The following GSTT4 variants were observed in gnomAD, a reference collection of about 807,000 sequenced individuals.
GSTT4 encodes glutathione S-transferase theta-4.
At chr22:23,996,092 C>T (rs1218380896), downstream of GSTT4, among the ~76,000 whole-genome samples, 1 of 151,990 alleles carries the variant, frequency 6.6e-6, no homozygotes, top group Non-Finnish European at 1.5e-5. Flanking sequence ...TACAGGCATG[C>T]GCCACCACGC....
chr22:23,993,889 C>G (rs1230133788), downstream of GSTT4, among the ~76,000 whole-genome samples: 1 of 150,096 alleles, frequency 6.7e-6, no homozygotes, highest in African/African-American at 2.5e-5. Flanking sequence ...CGTCTCTCCT[C>G]AGGCCCCCAG....
At chr22:23,989,462 A>C in the GSTT4 span, among the ~76,000 whole-genome samples, 1 of 138,276 alleles carries the variant, frequency 7.2e-6, no homozygotes, top group Non-Finnish European at 1.6e-5. Flanking sequence ...TTCACACCCC[A>C]CCCCCAGCCA....
the GSTT4 span, among the ~76,000 whole-genome samples, chr22:23,992,475 C>T: frequency 6.6e-6 from 1 of 150,404 alleles, no homozygotes; most frequent in South Asian, 2.1e-4. Flanking sequence ...GCACAGGCCC[C>T]AGCCACACTC....
the GSTT4 span, among the ~76,000 whole-genome samples, chr22:23,992,384 G>A: frequency 2.0e-5 from 3 of 147,868 alleles, no homozygotes; most frequent in African/African-American, 7.5e-5. Context: ...AGGGCACCAA[G>A]CAAGGATGTG....
At chr22:23,991,702 T>C in the GSTT4 span, among the ~76,000 whole-genome samples, 1 of 142,062 alleles carries the variant, frequency 7.0e-6, no homozygotes, top group Non-Finnish European at 1.6e-5. Context: ...CAGTGGCGTG[T>C]CTGCTCTCTC....
intron 3 of GSTT4, among the ~76,000 whole-genome samples, chr22:24,000,702 G>T (rs1303099670): frequency 2.1e-5 from 3 of 143,400 alleles, no homozygotes; most frequent in African/African-American, 8.6e-5. Context: ...GGGATTACAG[G>T]TGCCCATCAC....
At chr22:23,993,135 T>C in the GSTT4 span, among the ~76,000 whole-genome samples, 4 of 152,152 alleles carry the variant, frequency 2.6e-5, no homozygotes, top group Admixed American at 2.6e-4. Flanking sequence ...ACACTCCAAT[T>C]TACTCAAGAA....
chr22:24,002,329 A>G (rs2034249304), intron 2 of GSTT4, among the ~76,000 whole-genome samples: 1 of 152,258 alleles, frequency 6.6e-6, no homozygotes, highest in South Asian at 2.1e-4. Flanking sequence ...GTTGGAGGCC[A>G]TGGGGACAGA....
chr22:24,001,133 C>T lies in GSTT4; in HGVS notation c.351+42G>A, dbSNP rs1444047004. On this transcript the variant is annotated intron_variant, in intron 3 of 4. Coordinates refer to ENST00000621179, the MANE Select transcript of GSTT4 (RefSeq NM_001358664.2). Reference sequence around the variant, plus strand: ...ACTGGCCTCCAGCCTTCCTGACTTCCCTGTGCCCGTGTCCCCAAGCCCCAG... The same window carrying T: ...ACTGGCCTCCAGCCTTCCTGACTTCTCTGTGCCCGTGTCCCCAAGCCCCAG... 2.8e-5 allele frequency: 4 copies of T among 141,110 alleles called. No individual in the cohort carries two copies. In the East Asian group the frequency reaches 6.2e-4, roughly 22 times the overall value. The allele number at this position is 141,110 out of a possible 1,614,324, so 8.7% of individuals were successfully genotyped here. A position where few individuals can be genotyped will look rare whatever the true frequency, so the allele number is the denominator to read the frequency against.
At chr22:23,993,656 C>T (rs1168182029), downstream of GSTT4, among the ~76,000 whole-genome samples, 1 of 152,136 alleles carries the variant, frequency 6.6e-6, no homozygotes. Context: ...CCCTGAGGAC[C>T]CTGTGACATC....
the GSTT4 span, among the ~76,000 whole-genome samples, chr22:23,989,791 G>A: frequency 6.7e-6 from 1 of 149,204 alleles, no homozygotes; most frequent in African/African-American, 2.4e-5. Flanking sequence ...CAGTGCTAGA[G>A]GCCGCATTAG....
Position 23,998,947 on chromosome 22 carries a change from T to C in GSTT4, c.529-208A>G, listed in dbSNP as rs556041006. Among the ~76,000 whole-genome samples, 25 of 152,328 alleles carry C rather than the reference T, an allele frequency of 1.6e-4. No homozygotes were observed. In the South Asian group the frequency reaches 3.7e-3, roughly 23 times the overall value. On this transcript the variant is annotated intron_variant, in intron 4 of 4. Coordinates refer to ENST00000621179, the MANE Select transcript of GSTT4 (RefSeq NM_001358664.2). Reference sequence around the variant, plus strand: ...AGAATCCCTCAGAGTCCTCAGTCACTGGTCTTCTTGCTCCAAGCCTTCTGA... The same window carrying C: ...AGAATCCCTCAGAGTCCTCAGTCACCGGTCTTCTTGCTCCAAGCCTTCTGA...
chr22:24,002,604 G>A (rs2034256955), intron 2 of GSTT4, among the ~76,000 whole-genome samples: 1 of 42,180 alleles, frequency 2.4e-5, no homozygotes, highest in African/African-American at 5.8e-5. Flanking sequence ...GCCGAGGCGG[G>A]GGGATCATGG....
downstream of GSTT4, among the ~76,000 whole-genome samples, chr22:23,997,143 C>G (rs1214941007): frequency 2.6e-5 from 4 of 151,944 alleles, no homozygotes; most frequent in Non-Finnish European, 4.4e-5. Flanking sequence ...TATTTCTAAA[C>G]TTTTGAATTT....
downstream of GSTT4, among the ~76,000 whole-genome samples, chr22:23,995,282 G>A (rs1288132840): frequency 5.9e-5 from 9 of 152,046 alleles, no homozygotes; most frequent in East Asian, 3.9e-4. Flanking sequence ...ACAGGCATAC[G>A]CCACCACACC....
rs2034334085 is a variant in GSTT4, at chr22:24,005,422, C to T, written c.-66G>A. On this transcript the variant is annotated 5_prime_UTR_variant, in exon 1 of 5. Transcript: ENST00000621179. ...CCACAGACCTGGGCCTATGTCTGGC[C>T]AGAGTCCCTGGCCCTGTGCCCTCTC... The T allele has an allele frequency of 6.5e-6, 1 of 153,308 alleles. No individual in the cohort carries two copies. The highest frequency in any genetic ancestry group is 6.5e-5 in the Admixed American group (1 of 15,296). 9.5% of individuals were successfully genotyped at this position (153,308 alleles called of 1,614,324 possible).
chr22:23,994,915 T>C (rs1333045173), downstream of GSTT4, among the ~76,000 whole-genome samples: 2 of 152,114 alleles, frequency 1.3e-5, no homozygotes, highest in Non-Finnish European at 2.9e-5. Context: ...ATAATACTAC[T>C]ACTCATCAGG....
At chr22:23,994,257 AC>A (rs2146221509), downstream of GSTT4, among the ~76,000 whole-genome samples, 1 of 120,140 alleles carries the variant, frequency 8.3e-6, no homozygotes, top group South Asian at 2.7e-4. Flanking sequence ...CATAATATCC[AC>A]CCTTTCAAAG....
At chr22:24,003,697 C>A (rs2034287585) in intron 2 of GSTT4, 63 bp downstream of exon 2, 1 of 155,092 alleles carries the variant, frequency 6.4e-6, no homozygotes, top group Non-Finnish European at 1.5e-5. Flanking sequence ...CAGACAAATG[C>A]TTGCACTGAA....
Sources: gnomAD v4.1 joint callset for allele counts (sites outside exome capture counted in the v4.1 genomes callset) on GRCh38, gnomAD v4.1.1 for gene constraint, MANE v1.5 for transcripts, NCBI Gene and HGNC (gene_info 2026-07-23, HGNC 2026-07-21) for gene names.